The following PTPRR variants were observed in gnomAD, a reference collection of about 807,000 sequenced individuals.
PTPRR encodes receptor-type tyrosine-protein phosphatase R.
In PTPRR, 38 loss-of-function variants were observed where a neutral mutation model predicts 77.2. That is an observed-to-expected ratio of 0.49 (90% confidence interval 0.38 to 0.65). The LOEUF (loss-of-function observed/expected upper bound fraction) is 0.65. Among genes scored for constraint, PTPRR ranks in the 30% least tolerant of loss-of-function variants. The pLI is 0.00. For synonymous variants in PTPRR, 299 were observed against 283.1 expected (o/e 1.06, Z -0.57); for missense variants, 744 against 799.2 (o/e 0.93, Z 0.83).
At chr12:70,777,767 G>A (rs1217025127) in intron 2 of PTPRR, among the ~76,000 whole-genome samples, 1 of 152,126 alleles carries the variant, frequency 6.6e-6, no homozygotes, top group South Asian at 2.1e-4. Context: ...GCTACACAAA[G>A]GAAGACATCT....
chr12:70,675,118 G>A (rs1449752473), intron 10 of PTPRR, among the ~76,000 whole-genome samples: 1 of 151,958 alleles, frequency 6.6e-6, no homozygotes, highest in African/African-American at 2.4e-5. Flanking sequence ...TTATTCTTTT[G>A]AGAGTCAGTT....
intron 1 of PTPRR, among the ~76,000 whole-genome samples, chr12:70,906,001 A>G (rs1366634091): frequency 6.6e-6 from 1 of 152,030 alleles, no homozygotes; most frequent in Non-Finnish European, 1.5e-5. Context: ...GCTCCCATTT[A>G]TTTGATTTGT....
At chr12:70,920,091 T>C (rs952096210) in intron 1 of PTPRR, among the ~76,000 whole-genome samples, 1 of 152,162 alleles carries the variant, frequency 6.6e-6, no homozygotes, top group South Asian at 2.1e-4. Context: ...TGTATTCATA[T>C]TGAAAATGTT....
chr12:70,698,938 A>G (rs569508173), intron 7 of PTPRR, among the ~76,000 whole-genome samples: 1 of 152,270 alleles, frequency 6.6e-6, no homozygotes, highest in Admixed American at 6.5e-5. Flanking sequence ...GCATTCAAAC[A>G]CTGTTTCTCC....
At chr12:70,866,966 T>C (rs113665122) in intron 2 of PTPRR, among the ~76,000 whole-genome samples, 18,373 of 151,486 alleles carry the variant, frequency 0.12, 2,068 homozygotes, top group African/African-American at 0.3. Context: ...GAAAAGGCCT[T>C]TGACAAAATT....
chr12:70,684,122 C>T lies in PTPRR; in HGVS notation c.1497+5G>A. The T allele has an allele frequency of 6.2e-7, 1 of 1,613,332 alleles. No individual in the cohort carries two copies. The highest frequency in any genetic ancestry group is 1.1e-5 in the South Asian group (1 of 90,960). The stretch of plus-strand genomic sequence containing the variant: ...TAACATTCAGAACTTGATTAAAGAT[C>T]ATACCTCATTTTTTTCTTTGAGTTT... On this transcript the variant is annotated splice_donor_5th_base_variant and intron_variant, in intron 10 of 13. Coordinates refer to ENST00000283228, the MANE Select transcript of PTPRR (RefSeq NM_002849.4).
intron 10 of PTPRR, among the ~76,000 whole-genome samples, chr12:70,667,166 C>G (rs1887042364): frequency 2.0e-5 from 3 of 151,766 alleles, no homozygotes; most frequent in African/African-American, 4.8e-5. Flanking sequence ...CCGTGTTAGC[C>G]AGGATAGTCT....
At chr12:70,673,327 A>G (rs561540596) in intron 10 of PTPRR, among the ~76,000 whole-genome samples, 1 of 152,194 alleles carries the variant, frequency 6.6e-6, no homozygotes, top group African/African-American at 2.4e-5. Flanking sequence ...GACTTTTTCT[A>G]TAAGAGTGAA....
chr12:70,666,935 G>GTTTTTT (rs142691396), intron 10 of PTPRR, among the ~76,000 whole-genome samples: 308 of 29,024 alleles, frequency 0.011, 116 homozygotes, highest in Non-Finnish European at 0.024. Flanking sequence ...GTGTTTTTCT[G>GTTTTTT]TTTTTTTTTT....
chr12:70,649,211 G>T (rs967367651), intron 13 of PTPRR, among the ~76,000 whole-genome samples: 1 of 152,112 alleles, frequency 6.6e-6, no homozygotes, highest in Non-Finnish European at 1.5e-5. Flanking sequence ...TGGGGTGGTG[G>T]TGGTGGAAAT....
intron 10 of PTPRR, among the ~76,000 whole-genome samples, chr12:70,678,737 A>G (rs1887543460): frequency 6.6e-6 from 1 of 152,082 alleles, no homozygotes; most frequent in East Asian, 1.9e-4. Flanking sequence ...GATGGAGTGC[A>G]GTGGCATGAT....
chr12:70,764,576 G>A, intron 3 of PTPRR, 89 bp downstream of exon 3: 1 of 1,064,456 alleles, frequency 9.4e-7, no homozygotes, highest in South Asian at 1.3e-5. Flanking sequence ...TGGCTCATTA[G>A]CCATACAACT....
chr12:70,812,147 GA>G (rs1565705593), intron 2 of PTPRR, among the ~76,000 whole-genome samples: 1 of 151,946 alleles, frequency 6.6e-6, no homozygotes. Context: ...TTTTAGATTA[GA>G]AAAAATTAGA....
chr12:70,901,530 T>G (rs1279928494), intron 1 of PTPRR, among the ~76,000 whole-genome samples: 1 of 151,584 alleles, frequency 6.6e-6, no homozygotes, highest in Non-Finnish European at 1.5e-5. Flanking sequence ...TTGCAAAAAG[T>G]GGTGCTGGGA....
intron 2 of PTPRR, among the ~76,000 whole-genome samples, chr12:70,856,414 G>A (rs1892652859): frequency 6.6e-6 from 1 of 152,154 alleles, no homozygotes; most frequent in Non-Finnish European, 1.5e-5. Context: ...AATGAGCATG[G>A]TGACTTCTAT....
In PTPRR at chr12:70,673,040, A is replaced by G; in HGVS notation, c.1498-10435T>C. The stretch of plus-strand genomic sequence containing the variant: ...ATACGTCGGGCCAAAGCAAAAAAAA[A>G]AAAAAAAAAGAAAGAAAGAAAGAAA... On this transcript the variant is annotated intron_variant, in intron 10 of 13. Coordinates refer to ENST00000283228, the MANE Select transcript of PTPRR (RefSeq NM_002849.4). The G allele has an allele frequency of 7.9e-6, 9 of 1,133,024 alleles. 1 individual carries two copies. Among genetic ancestry groups the G allele is most frequent in the Non-Finnish European group, 1.0e-5 (9 of 878,504 alleles). 70.2% of individuals were successfully genotyped at this position (1,133,024 alleles called of 1,614,324 possible).
At chr12:70,680,959 C>T (rs555532250) in intron 10 of PTPRR, among the ~76,000 whole-genome samples, 13 of 152,268 alleles carry the variant, frequency 8.5e-5, no homozygotes, top group African/African-American at 3.1e-4. Flanking sequence ...CTCATGAGGC[C>T]AGTTTGGACT....
chr12:70,820,155 A>G (rs771847471), intron 2 of PTPRR, among the ~76,000 whole-genome samples: 4 of 152,198 alleles, frequency 2.6e-5, no homozygotes, highest in Non-Finnish European at 5.9e-5. Context: ...AAGGCTTGGC[A>G]TTTATAATTT....
intron 2 of PTPRR, among the ~76,000 whole-genome samples, chr12:70,783,575 G>A (rs1430627802): frequency 6.6e-6 from 1 of 152,054 alleles, no homozygotes; most frequent in Non-Finnish European, 1.5e-5. Context: ...AGAGGGTGGG[G>A]AAGTGCATGC....
Sources: allele counts gnomAD v4.1 joint callset (sites outside exome capture counted in the v4.1 genomes callset), GRCh38; gene constraint gnomAD v4.1.1; transcripts MANE v1.5; gene names NCBI Gene and HGNC (gene_info 2026-07-23, HGNC 2026-07-21).